DHX16: variants seen among roughly 807,000 people sequenced by gnomAD.
The protein encoded by DHX16 is pre-mRNA-splicing factor ATP-dependent RNA helicase DHX16.
DHX16 carries 81 observed loss-of-function variants against 131.2 expected under a neutral mutation model. That is an observed-to-expected ratio of 0.62 (90% confidence interval 0.52 to 0.74). The LOEUF (loss-of-function observed/expected upper bound fraction) is 0.74. Among genes scored for constraint, DHX16 ranks in the 30% least tolerant of loss-of-function variants. DHX16 has a pLI of 0.00. For missense variants in DHX16, 980 were observed against 1,363.1 expected, an observed-to-expected ratio of 0.72 and a Z score of 4.43; for synonymous variants, 440 against 520.2, an observed-to-expected ratio of 0.85 and a Z score of 2.10.
At chr6:30,663,760 C>G (rs1372872532) in intron 7 of DHX16, among the ~76,000 whole-genome samples, 1 of 150,132 alleles carries the variant, frequency 6.7e-6, no homozygotes, top group Non-Finnish European at 1.5e-5. Flanking sequence ...GGCACAGTGG[C>G]TAACACCTGT....
At chr6:30,653,394 G>A (rs1379120174) in intron 19 of DHX16, 24 bp from the exon 20 acceptor site, 3 of 1,574,534 alleles carry the variant, frequency 1.9e-6, no homozygotes, top group South Asian at 2.4e-5. Context: ...AAGATCAATG[G>A]AGTTCCCTTC....
At chr6:30,655,648 G>C (rs577909976) in intron 16 of DHX16, 51 bp from the exon 17 acceptor site, 1 of 1,598,420 alleles carries the variant, frequency 6.3e-7, no homozygotes, top group Non-Finnish European at 8.6e-7. Context: ...CATAGGAACA[G>C]ATATGGTGGA....
chr6:30,663,542 T>C (rs1313630527), intron 7 of DHX16, among the ~76,000 whole-genome samples: 2 of 149,146 alleles, frequency 1.3e-5, no homozygotes, highest in Non-Finnish European at 3.0e-5. Flanking sequence ...GCCAAAATGG[T>C]GAAACCCCGT....
At chr6:30,667,981 T>C (rs919909200) in intron 4 of DHX16, among the ~76,000 whole-genome samples, 2 of 152,232 alleles carry the variant, frequency 1.3e-5, no homozygotes, top group African/African-American at 4.8e-5. Flanking sequence ...TGCATGAACC[T>C]TGACTGCATT....
In DHX16 at chr6:30,659,498, G is replaced by C. The variant is rs753179997; in HGVS notation, c.1981C>G (p.Gln661Glu). ...LPSDMQARIF[Q>E]PTPPGARKVV... ...TTTCGTGCCCCAGGTGGTGTGGGCT[G>C]GAAGATACGGGCCTGCATGTCAGAG... is the stretch of plus-strand genomic sequence containing the variant. Residue 661 changes from glutamine to glutamate, a missense_variant, in exon 12 of 20, where the codon CAG (glutamine) becomes GAG (glutamate). Gln to Glu is a conservative substitution (Grantham distance 29, BLOSUM62 2). Transcript: ENST00000376442. 5.6e-6 allele frequency: 9 copies of C among 1,601,078 alleles called. No homozygotes were observed. In the African/African-American group the frequency reaches 1.1e-4, roughly 19 times the overall value.
chr6:30,665,759 C>T lies in DHX16; in HGVS notation c.667-26G>A. On this transcript the variant is annotated intron_variant, in intron 4 of 19. Transcript: ENST00000376442. This position sits in a 1 kb window ranked among gnomAD's most constrained non-coding sequence, Gnocchi z 4.8. ...CTGAGTTGGGAAAGGACAGTCGAAT[C>T]CTCATCTTGCTGGAGGAGCAACCCC... 1 of 1,596,538 alleles carries T rather than the reference C, an allele frequency of 6.3e-7. No homozygotes were observed. Among genetic ancestry groups the T allele is most frequent in the Non-Finnish European group, 8.5e-7 (1 of 1,174,950 alleles).
chr6:30,672,519 G>T, intron 1 of DHX16, 116 bp downstream of exon 1: 1 of 955,338 alleles, frequency 1.0e-6, no homozygotes, highest in Non-Finnish European at 1.6e-6. Flanking sequence ...CAGTACCTAC[G>T]CGACAACGGA....
chr6:30,671,578 C>T (rs1323278168), intron 1 of DHX16, among the ~76,000 whole-genome samples: 2 of 152,136 alleles, frequency 1.3e-5, no homozygotes, highest in African/African-American at 2.4e-5. Flanking sequence ...AACTCCTGAC[C>T]TCATGATCCA....
chr6:30,654,862 G>C lies in DHX16; in HGVS notation c.2841C>G (p.Tyr947Ter), dbSNP rs1184313509. The part of the protein sequence containing the change: ...IRVRKAITAG[Y>*]FYHTARLTRS... ...GAGTCAACCGTGCCGTGTGGTAAAA[G>C]TAACCAGCAGTGATGGCCTAAGGAG... The change falls in exon 19 of 20, where the codon TAC (tyrosine) becomes TAG (stop). Residue 947 changes from tyrosine to a stop codon, truncating the protein, a stop_gained. Transcript: ENST00000376442. LOFTEE classifies it high-confidence loss of function. 6.2e-7 allele frequency: 1 copy of C among 1,612,240 alleles called. No individual in the cohort carries two copies. Among genetic ancestry groups the C allele is most frequent in the African/African-American group, 1.3e-5 (1 of 74,922 alleles).
Position 30,672,952 on chromosome 6 carries a change from C to T in DHX16, c.-111G>A. The stretch of plus-strand genomic sequence containing the variant: ...CTGGAGCCTCAGCTTCGCAAGTCAG[C>T]TACCTTGGGACCTCTAGGATCTTCC... On this transcript the variant is annotated 5_prime_UTR_variant, in exon 1 of 20. Coordinates refer to ENST00000376442, the MANE Select transcript of DHX16 (RefSeq NM_003587.5). 1 of 1,556,092 alleles carries T rather than the reference C, an allele frequency of 6.4e-7. No individual in the cohort carries two copies. Among genetic ancestry groups the T allele is most frequent in the East Asian group, 2.4e-5 (1 of 41,040 alleles).
intron 16 of DHX16, 45 bp from the exon 17 acceptor site, chr6:30,655,642 G>A: frequency 6.2e-7 from 1 of 1,604,934 alleles, no homozygotes; most frequent in Non-Finnish European, 8.5e-7. Flanking sequence ...AAGACACATA[G>A]GAACAGATAT....
chr6:30,657,438 G>C (rs1256028577), intron 12 of DHX16, among the ~76,000 whole-genome samples: 1 of 151,700 alleles, frequency 6.6e-6, no homozygotes, highest in African/African-American at 2.4e-5. Context: ...CTCCTAACGT[G>C]TATCCCTGCT....
chr6:30,655,597 C>G lies in DHX16; in HGVS notation c.2499G>C (p.Lys833Asn). 1 of 1,613,012 alleles carries G rather than the reference C, an allele frequency of 6.2e-7. No homozygotes were observed. The highest frequency in any genetic ancestry group is 8.5e-7 in the Non-Finnish European group (1 of 1,180,020). ...TCAGGATCTCCTCTGAACAGCTGTA[C>G]CTGGGACAGGAAGGGGAAAGCATGA... is the stretch of plus-strand genomic sequence containing the variant. ...MLSKMILASE[K>N]YSCSEEILTV... Residue 833 changes from lysine to asparagine, a missense_variant and splice_region_variant, in exon 17 of 20, where the codon AAG (lysine) becomes AAC (asparagine). Transcript: ENST00000376442.
chr6:30,666,670 T>C (rs1241422902), intron 4 of DHX16, among the ~76,000 whole-genome samples: 2 of 152,182 alleles, frequency 1.3e-5, no homozygotes, highest in Non-Finnish European at 2.9e-5. Flanking sequence ...TAGCTGGGCA[T>C]GGTAGTGGGC....
chr6:30,665,352 C>A lies in DHX16; in HGVS notation c.922-78G>T. On this transcript the variant is annotated intron_variant, in intron 5 of 19. Transcript: ENST00000376442. This position sits in a 1 kb window ranked among gnomAD's most constrained non-coding sequence, Gnocchi z 4.8. ...CTCTCCCCTCTTCCCATTACTACCC[C>A]CGCCCACTGCCCATTGGGAACGGCA... The A allele has an allele frequency of 1.9e-6, 3 of 1,587,078 alleles. No homozygotes were observed. Among genetic ancestry groups the A allele is most frequent in the Non-Finnish European group, 2.6e-6 (3 of 1,167,812 alleles).
At position 30,665,925 on chromosome 6, in the gene DHX16, C is replaced by G. The variant is rs1391104577; in HGVS notation, c.667-192G>C. ...TCTGGGCCTCTTTGGATGCTACATG[C>G]TGACCCCACATCGTATCTTCCTGCA... is the stretch of plus-strand genomic sequence containing the variant. On this transcript the variant is annotated intron_variant, in intron 4 of 19. Transcript: ENST00000376442. The surrounding 1 kb of genome is among the most constrained non-coding windows in gnomAD (Gnocchi z 4.8). 6.6e-6 allele frequency among the ~76,000 whole-genome samples: 1 copy of G among 152,206 alleles called. No homozygotes were observed. The highest frequency in any genetic ancestry group is 1.5e-5 in the Non-Finnish European group (1 of 68,040).
At chr6:30,666,284 T>C (rs1407680667) in intron 4 of DHX16, among the ~76,000 whole-genome samples, 1 of 152,246 alleles carries the variant, frequency 6.6e-6, no homozygotes, top group Non-Finnish European at 1.5e-5. Flanking sequence ...AGTGTTTCTG[T>C]AAGGCAAATG....
At chr6:30,659,439 T>C (rs1076829) in intron 12 of DHX16, 33 bp downstream of exon 12, 537,725 of 1,561,238 alleles carry the variant, frequency 0.34, 96,483 homozygotes, top group Non-Finnish European at 0.37. Flanking sequence ...GTGGGAAGCA[T>C]AGGGGTGAAG....
Position 30,662,703 on chromosome 6 carries a change from G to A in DHX16, c.1468C>T (p.Arg490Ter), listed in dbSNP as rs1355953276. ...TCTGTCATGTAGCGGAGGACAGTTCGCTCTGATGTGCAGTCCTCAAAGCGG... is the reference window on the plus strand; with the variant it reads ...TCTGTCATGTAGCGGAGGACAGTTCACTCTGATGTGCAGTCCTCAAAGCGG... ...SIRFEDCTSE[R>*]TVLRYMTDGM... Residue 490 changes from arginine to a stop codon, truncating the protein, a stop_gained, in exon 9 of 20, where the codon CGA becomes TGA. Coordinates refer to ENST00000376442, the MANE Select transcript of DHX16 (RefSeq NM_003587.5). LOFTEE classifies it high-confidence loss of function. This position sits in a 1 kb window ranked among gnomAD's most constrained non-coding sequence, Gnocchi z 4.7. The A allele has an allele frequency of 3.7e-6, 6 of 1,613,082 alleles. No individual in the cohort carries two copies. Among genetic ancestry groups the A allele is most frequent in the South Asian group, 2.2e-5 (2 of 91,082 alleles).
Sources: gnomAD v4.1 joint callset for allele counts (sites outside exome capture counted in the v4.1 genomes callset) on GRCh38, gnomAD v4.1.1 for gene constraint, Gnocchi (gnomAD v3.1) non-coding constraint, MANE v1.5 for transcripts, NCBI Gene and HGNC (gene_info 2026-07-23, HGNC 2026-07-21) for gene names.